Variants in ATAD2B observed in about 807,000 individuals in gnomAD.
The protein encoded by ATAD2B is ATPase family AAA domain-containing protein 2B.
ATAD2B carries 40 observed loss-of-function variants against 167.6 expected under a neutral mutation model. The ratio of observed to expected loss-of-function variants is 0.24; its 90% CI spans 0.19 to 0.31. The LOEUF (loss-of-function observed/expected upper bound fraction) is 0.31. ATAD2B is among the 10% of genes least tolerant of loss of function. ATAD2B has a pLI of 1.00. For synonymous variants in ATAD2B, 579 were observed against 596.5 expected (o/e 0.97, Z 0.43); for missense variants, 1,242 against 1,757.2 (o/e 0.71, Z 5.24).
chr2:23,835,061 G>A (rs1455043187), intron 13 of ATAD2B, among the ~76,000 whole-genome samples: 1 of 152,174 alleles, frequency 6.6e-6, no homozygotes, highest in Admixed American at 6.5e-5. Context: ...AACAGCTTTT[G>A]ATGAGGATGT....
At chr2:23,916,716 A>T (rs1002892918) in intron 1 of ATAD2B, among the ~76,000 whole-genome samples, 1 of 152,200 alleles carries the variant, frequency 6.6e-6, no homozygotes, top group Non-Finnish European at 1.5e-5. Context: ...CCAAAAGGAG[A>T]CAAGAACGGG....
intron 1 of ATAD2B, among the ~76,000 whole-genome samples, chr2:23,919,110 A>C (rs771216026): frequency 4.3e-4 from 65 of 152,318 alleles, no homozygotes; most frequent in Non-Finnish European, 6.5e-4. Flanking sequence ...TGGAAGGCCA[A>C]GGTGGGAGGA....
At chr2:23,843,402 G>C (rs1171788326) in intron 13 of ATAD2B, among the ~76,000 whole-genome samples, 1 of 152,218 alleles carries the variant, frequency 6.6e-6, no homozygotes, top group East Asian at 1.9e-4. Context: ...CTAAACTGTT[G>C]AAAGTAAAAG....
Position 23,875,791 on chromosome 2 carries a change from G to A in ATAD2B, c.977+38C>T, listed in dbSNP as rs753234261. 2.9e-6 allele frequency: 4 copies of A among 1,377,484 alleles called. No individual in the cohort carries two copies. The South Asian group carries it at 4.9e-5, about 17-fold the overall frequency. The allele number at this position is 1,377,484 out of a possible 1,614,324, so 85.3% of individuals were successfully genotyped here. On this transcript the variant is annotated intron_variant, in intron 8 of 27. Coordinates refer to ENST00000238789, the MANE Select transcript of ATAD2B (RefSeq NM_017552.4). ...AGAAAGACACAATTAGTCTCTCATT[G>A]ACAAATGCAAATGTTTCCTTTCAAA...
At chr2:23,911,025 G>A (rs1037794151) in intron 1 of ATAD2B, among the ~76,000 whole-genome samples, 8 of 151,724 alleles carry the variant, frequency 5.3e-5, no homozygotes, top group South Asian at 2.1e-4. Flanking sequence ...TCGGGAGTTC[G>A]AGACCAGCCT....
intron 1 of ATAD2B, among the ~76,000 whole-genome samples, chr2:23,908,217 G>C (rs1456317125): frequency 6.6e-6 from 1 of 151,812 alleles, no homozygotes; most frequent in East Asian, 1.9e-4. Context: ...TACAAAATGG[G>C]AGAAAATTTT....
the ATAD2B span, chr2:23,691,229 G>A: frequency 4.5e-6 from 1 of 220,398 alleles, no homozygotes; most frequent in South Asian, 7.5e-5. Flanking sequence ...GGATTGGCTG[G>A]CATCACAGCC....
At position 23,926,849 on chromosome 2, in the gene ATAD2B, C is replaced by G; in HGVS notation, c.-79G>C. On this transcript the variant is annotated 5_prime_UTR_variant, in exon 1 of 28. Coordinates refer to ENST00000238789, the MANE Select transcript of ATAD2B (RefSeq NM_017552.4). The stretch of plus-strand genomic sequence containing the variant: ...CGGCCCGCCGGCCGGTCAGTCAGGG[C>G]CAGCGGAGCCGAGCCGGGCAATGAG... 7.0e-7 allele frequency: 1 copy of G among 1,433,684 alleles called. No homozygotes were observed. The highest frequency in any genetic ancestry group is 9.2e-7 in the Non-Finnish European group (1 of 1,091,992). 88.8% of individuals were successfully genotyped at this position (1,433,684 alleles called of 1,614,324 possible).
In ATAD2B at chr2:23,748,724, A is replaced by T. The variant is rs1675060020; in HGVS notation, c.*3322T>A. Reference sequence around the variant, plus strand: ...GCAGTTATATTACAAATTACAGTAAATGTTCAAATTCCAGAATTCAAAAAT... The same window carrying T: ...GCAGTTATATTACAAATTACAGTAATTGTTCAAATTCCAGAATTCAAAAAT... On this transcript the variant is annotated 3_prime_UTR_variant, in exon 28 of 28. Transcript: ENST00000238789. 1 of 152,210 alleles carries T rather than the reference A, an allele frequency of 6.6e-6. No individual in the cohort carries two copies. The highest frequency in any genetic ancestry group is 2.1e-4 in the South Asian group (1 of 4,830). 9.4% of individuals were successfully genotyped at this position (152,210 alleles called of 1,614,324 possible). A position where few individuals can be genotyped will look rare whatever the true frequency, so the allele number is the denominator to read the frequency against.
intron 18 of ATAD2B, among the ~76,000 whole-genome samples, chr2:23,800,862 C>G (rs1683385611): frequency 6.6e-6 from 1 of 151,710 alleles, no homozygotes; most frequent in Non-Finnish European, 1.5e-5. Context: ...GGAAAAAAAT[C>G]AGGCAAGTCT....
chr2:23,762,317 G>A lies in ATAD2B; in HGVS notation c.3286C>T (p.Pro1096Ser), dbSNP rs747435735. Residue 1096 changes from proline to serine, a missense_variant, in exon 24 of 28, where the codon CCT (proline) becomes TCT (serine). Physicochemically the swap from Pro to Ser is moderately conservative, Grantham distance 74. Transcript: ENST00000238789. ...GTCTTCCGAGCTCCAGTACTATGAG[G>A]ATTTATTTGTTCTGATGTTACTGAT... ...GLSVTSEQIN[P>S]HSTGARKTET... 6.2e-7 allele frequency: 1 copy of A among 1,613,308 alleles called. No homozygotes were observed. The highest frequency in any genetic ancestry group is 1.1e-5 in the South Asian group (1 of 91,048).
chr2:23,923,710 C>A (rs1042686493), intron 1 of ATAD2B, among the ~76,000 whole-genome samples: 3 of 151,242 alleles, frequency 2.0e-5, no homozygotes, highest in Admixed American at 2.0e-4. Flanking sequence ...CAATAATCGG[C>A]AGAATGCATA....
chr2:23,875,715 A>G (rs983657641), intron 8 of ATAD2B, 114 bp downstream of exon 8: 5 of 729,154 alleles, frequency 6.9e-6, no homozygotes, highest in Middle Eastern at 5.3e-4. Flanking sequence ...CTGAATCTGG[A>G]AGATAATAGT....
Position 23,842,264 on chromosome 2 carries a change from A to G in ATAD2B, c.1569-8186T>C, listed in dbSNP as rs150149330. Among the ~76,000 whole-genome samples the G allele has an allele frequency of 3.1e-3, 471 of 152,276 alleles. 6 individuals carry two copies. Among genetic ancestry groups the G allele is most frequent in the Middle Eastern group, 0.02 (6 of 294 alleles). On this transcript the variant is annotated intron_variant, in intron 13 of 27. Coordinates refer to ENST00000238789, the MANE Select transcript of ATAD2B (RefSeq NM_017552.4). ...TTCCCCCACTAATAATTTAGGGATT[A>G]TACATTACGTTTCTATTTTACTAAT...
At chr2:23,861,293 A>G (rs2150018241) in intron 12 of ATAD2B, among the ~76,000 whole-genome samples, 1 of 152,038 alleles carries the variant, frequency 6.6e-6, no homozygotes, top group East Asian at 1.9e-4. Context: ...TCTTTCTACC[A>G]TTGCACAAAA....
At chr2:23,835,958 A>C (rs1236768728) in intron 13 of ATAD2B, among the ~76,000 whole-genome samples, 1 of 151,692 alleles carries the variant, frequency 6.6e-6, no homozygotes, top group Non-Finnish European at 1.5e-5. Context: ...AAATGAGTGA[A>C]CTGTACAGCT....
At chr2:23,890,421 T>G (rs1260199546) in intron 2 of ATAD2B, among the ~76,000 whole-genome samples, 1 of 152,164 alleles carries the variant, frequency 6.6e-6, no homozygotes, top group African/African-American at 2.4e-5. Flanking sequence ...TGCACATGAT[T>G]CTCCAGGTAT....
intron 19 of ATAD2B, among the ~76,000 whole-genome samples, chr2:23,792,809 A>C (rs2149436541): frequency 6.6e-6 from 1 of 151,830 alleles, no homozygotes; most frequent in East Asian, 1.9e-4. Context: ...AAAAATACAA[A>C]AAATTAGCTG....
intron 22 of ATAD2B, among the ~76,000 whole-genome samples, chr2:23,772,319 T>C (rs1261514680): frequency 6.6e-6 from 1 of 152,174 alleles, no homozygotes; most frequent in Non-Finnish European, 1.5e-5. Context: ...TGTTCTCTTT[T>C]TGGAAGCTTT....
Sources: gnomAD v4.1 joint callset for allele counts (sites outside exome capture counted in the v4.1 genomes callset) on GRCh38, gnomAD v4.1.1 for gene constraint, MANE v1.5 for transcripts, NCBI Gene and HGNC (gene_info 2026-07-23, HGNC 2026-07-21) for gene names.